Variants in MGMT observed in about 807,000 individuals in gnomAD.
MGMT encodes the protein methylated-DNA--protein-cysteine methyltransferase.
Under a neutral mutation model 15.9 loss-of-function variants are expected in MGMT, and 14 were observed. The ratio of observed to expected loss-of-function variants is 0.88; its 90% CI spans 0.58 to 1.37. MGMT has a LOEUF of 1.37. Among genes scored for constraint, MGMT ranks in the 40% most tolerant of loss-of-function variants. The probability of loss-of-function intolerance (pLI) is 0.00; values close to 1 mark genes in which losing one functional copy is unlikely to be tolerated. For missense variants in MGMT, 282 were observed against 268.1 expected, an observed-to-expected ratio of 1.05 and a Z score of -0.36; for synonymous variants, 130 against 118.2, an observed-to-expected ratio of 1.10 and a Z score of -0.65.
At chr10:129,559,037 T>C (rs1589865985) in intron 2 of MGMT, among the ~76,000 whole-genome samples, 4 of 152,200 alleles carry the variant, frequency 2.6e-5, no homozygotes, top group African/African-American at 9.7e-5. Flanking sequence ...AGCTAGGTGA[T>C]GTCCCAGTTC....
Position 129,711,163 on chromosome 10 carries a change from G to A in MGMT, c.274+3120G>A, listed in dbSNP as rs114181741. Among the ~76,000 whole-genome samples, 1,082 of 152,226 alleles carry A rather than the reference G, an allele frequency of 7.1e-3. 12 individuals are homozygous for A. Among genetic ancestry groups the A allele is most frequent in the African/African-American group, 0.025 (1,056 of 41,512 alleles). Reference sequence around the variant, plus strand: ...TCTCTCCTGCACACGGCCTCTTCGCGGTACCACCTCACCTTCCAGGATTCC... The same window carrying A: ...TCTCTCCTGCACACGGCCTCTTCGCAGTACCACCTCACCTTCCAGGATTCC... On this transcript the variant is annotated intron_variant, in intron 3 of 4. Transcript: ENST00000651593.
At chr10:129,722,072 A>G (rs1167584859) in intron 3 of MGMT, among the ~76,000 whole-genome samples, 1 of 152,004 alleles carries the variant, frequency 6.6e-6, no homozygotes, top group Non-Finnish European at 1.5e-5. Flanking sequence ...GATGGAAGGA[A>G]AAAAAAAGGA....
chr10:129,583,668 G>T (rs1215693656), intron 2 of MGMT, among the ~76,000 whole-genome samples: 4 of 152,200 alleles, frequency 2.6e-5, no homozygotes, highest in Non-Finnish European at 4.4e-5. Flanking sequence ...TGTCTCTGTG[G>T]CACACATAGC....
chr10:129,696,269 C>G (rs1848031201), intron 2 of MGMT, among the ~76,000 whole-genome samples: 1 of 152,168 alleles, frequency 6.6e-6, no homozygotes, highest in African/African-American at 2.4e-5. Flanking sequence ...GGATTTGCTG[C>G]TTCGTTTCAT....
At chr10:129,510,147 G>A (rs1845665945) in intron 1 of MGMT, among the ~76,000 whole-genome samples, 1 of 152,228 alleles carries the variant, frequency 6.6e-6, no homozygotes, top group Non-Finnish European at 1.5e-5. Context: ...TGCCAGGTGG[G>A]GGCATCTAAG....
chr10:129,518,522 G>GCCCCTCCTCCCCACCCTTCCCCCTC (rs2119716605), intron 1 of MGMT, among the ~76,000 whole-genome samples: 1 of 1,404 alleles, frequency 7.1e-4, no homozygotes, highest in African/African-American at 3.9e-3. Flanking sequence ...CCTTCCCCCT[G>GCCCCTCCTCCCCACCCTTCCCCCTC]CCCCTCCTCC....
At chr10:129,762,524 T>G (rs1428532140) in intron 4 of MGMT, among the ~76,000 whole-genome samples, 1 of 152,186 alleles carries the variant, frequency 6.6e-6, no homozygotes. Context: ...CCTGGAAGGC[T>G]GTCTCCCCAA....
At chr10:129,623,420 T>C (rs550832811) in intron 2 of MGMT, among the ~76,000 whole-genome samples, 3 of 152,068 alleles carry the variant, frequency 2.0e-5, no homozygotes, top group South Asian at 2.1e-4. Flanking sequence ...TATGGCCAGT[T>C]CCCAATGCAC....
At chr10:129,514,639 A>G (rs1360863452) in intron 1 of MGMT, among the ~76,000 whole-genome samples, 1 of 148,458 alleles carries the variant, frequency 6.7e-6, no homozygotes, top group Non-Finnish European at 1.5e-5. Flanking sequence ...GTTGGTATTA[A>G]GAGTTGGGGC....
intron 2 of MGMT, among the ~76,000 whole-genome samples, chr10:129,694,675 A>G (rs1413572210): frequency 2.0e-5 from 3 of 152,104 alleles, no homozygotes; most frequent in Admixed American, 2.0e-4. Flanking sequence ...GCTTTGGAAC[A>G]TAATTGGATT....
chr10:129,699,736 C>G (rs964096208), intron 2 of MGMT, among the ~76,000 whole-genome samples: 1 of 152,156 alleles, frequency 6.6e-6, no homozygotes, highest in African/African-American at 2.4e-5. Context: ...CCTCACAGCC[C>G]TCCTGCAAGC....
intron 3 of MGMT, among the ~76,000 whole-genome samples, chr10:129,733,164 A>C (rs1183671903): frequency 7.4e-6 from 1 of 134,844 alleles, no homozygotes; most frequent in Non-Finnish European, 1.6e-5. Context: ...ACTAGTTTAC[A>C]GTCCCACCAA....
chr10:129,615,550 C>T (rs1340130440), intron 2 of MGMT, among the ~76,000 whole-genome samples: 1 of 152,254 alleles, frequency 6.6e-6, no homozygotes, highest in African/African-American at 2.4e-5. Context: ...TTCAACCAAG[C>T]ATATTCCTGC....
chr10:129,688,642 C>A (rs113660424), intron 2 of MGMT, among the ~76,000 whole-genome samples: 2 of 152,070 alleles, frequency 1.3e-5, no homozygotes, highest in East Asian at 3.9e-4. Context: ...TTCTGTAGGT[C>A]GCCTGTTCCC....
chr10:129,683,198 T>C (rs1457950008), intron 2 of MGMT, among the ~76,000 whole-genome samples: 2 of 152,156 alleles, frequency 1.3e-5, no homozygotes, highest in Non-Finnish European at 2.9e-5. Flanking sequence ...GGGAATGGCG[T>C]TGGCTTTGCT....
chr10:129,529,114 CAG>C (rs1322300584), intron 1 of MGMT, among the ~76,000 whole-genome samples: 12 of 151,276 alleles, frequency 7.9e-5, no homozygotes, highest in African/African-American at 2.4e-4. Flanking sequence ...GGGAAGGAGA[CAG>C]AGCGGTAGAG....
At chr10:129,666,667 CT>C (rs895695971) in intron 2 of MGMT, among the ~76,000 whole-genome samples, 1 of 152,154 alleles carries the variant, frequency 6.6e-6, no homozygotes, top group African/African-American at 2.4e-5. Context: ...TTAACTTTCT[CT>C]AATAATACCT....
intron 2 of MGMT, among the ~76,000 whole-genome samples, chr10:129,601,257 A>G (rs1846818237): frequency 6.6e-6 from 1 of 152,172 alleles, no homozygotes; most frequent in African/African-American, 2.4e-5. Flanking sequence ...TGCAAACAGT[A>G]GTATACAAAC....
chr10:129,653,098 A>G (rs1056643230), intron 2 of MGMT, among the ~76,000 whole-genome samples: 1 of 152,188 alleles, frequency 6.6e-6, no homozygotes, highest in Non-Finnish European at 1.5e-5. Flanking sequence ...GGCTGTGACA[A>G]AAGAGAAACA....
Sources: gnomAD v4.1 joint callset for allele counts (sites outside exome capture counted in the v4.1 genomes callset) on GRCh38, gnomAD v4.1.1 for gene constraint, MANE v1.5 for transcripts, NCBI Gene and HGNC (gene_info 2026-07-23, HGNC 2026-07-21) for gene names.